Variants in CPEB3 observed in about 807,000 individuals in gnomAD.
The protein encoded by CPEB3 is cytoplasmic polyadenylation element-binding protein 3.
CPEB3 carries 20 observed loss-of-function variants against 67.2 expected under a neutral mutation model. The observed-to-expected ratio is 0.30, with a 90% CI of 0.21 to 0.43. The LOEUF (loss-of-function observed/expected upper bound fraction) is 0.43. Among genes scored for constraint, CPEB3 ranks in the 20% least tolerant of loss-of-function variants. The probability of loss-of-function intolerance (pLI) is 1.00; values close to 1 mark genes in which losing one functional copy is unlikely to be tolerated. For synonymous variants in CPEB3, 376 were observed against 393.1 expected (o/e 0.96, Z 0.51); for missense variants, 746 against 968.6 (o/e 0.77, Z 3.05).
chr10:92,240,323 T>A lies in CPEB3; in HGVS notation c.28A>T (p.Ser10Cys). Residue 10 changes from serine (S) to cysteine (C), a missense_variant, in exon 2 of 10, where the codon AGC (serine) becomes TGC (cysteine). Ser to Cys is a moderately radical substitution (Grantham distance 112). This residue lies in a region of CPEB3 where 643 missense variants were observed against 717.5 expected (regional missense o/e 0.90). Transcript: ENST00000265997. ...TGCTGGGGCTGGGGCTGGGTTTTGC[T>A]TTTGTCCATCAGTAAATCATCCTGC... MQDDLLMDKSKTQPQPQQQQ... is the reference protein window; with the variant it reads MQDDLLMDKCKTQPQPQQQQ... The A allele has an allele frequency of 6.7e-7, 1 of 1,491,022 alleles. No individual in the cohort carries two copies. Among genetic ancestry groups the A allele is most frequent in the Non-Finnish European group, 8.9e-7 (1 of 1,121,122 alleles). The allele number at this position is 1,491,022 out of a possible 1,614,324, so 92.4% of individuals were successfully genotyped here.
chr10:92,100,188 T>C (rs1844106260), intron 7 of CPEB3, among the ~76,000 whole-genome samples: 2 of 152,110 alleles, frequency 1.3e-5, no homozygotes, highest in South Asian at 4.1e-4. Flanking sequence ...GAAAACACAA[T>C]TTTTTGTTTT....
intron 2 of CPEB3, among the ~76,000 whole-genome samples, chr10:92,193,076 G>A (rs1426002950): frequency 6.6e-6 from 1 of 152,122 alleles, no homozygotes; most frequent in Non-Finnish European, 1.5e-5. Flanking sequence ...GCCAGGTATG[G>A]TGGTGTGCAC....
chr10:92,164,219 T>C (rs755307783), intron 4 of CPEB3, among the ~76,000 whole-genome samples: 1 of 152,196 alleles, frequency 6.6e-6, no homozygotes, highest in South Asian at 2.1e-4. Context: ...CCAGAGAAGA[T>C]GACTGGCCCA....
intron 3 of CPEB3, among the ~76,000 whole-genome samples, chr10:92,189,758 C>T (rs1228811180): frequency 1.5e-5 from 2 of 131,216 alleles, no homozygotes; most frequent in Admixed American, 1.8e-4. Context: ...CGCCAGGCTG[C>T]AGTACAGTGG....
intron 4 of CPEB3, among the ~76,000 whole-genome samples, chr10:92,178,161 CTT>C (rs1047680848): frequency 4.5e-4 from 63 of 139,616 alleles, no homozygotes; most frequent in Admixed American, 6.5e-4. Flanking sequence ...TCAATTATTC[CTT>C]TTTTTTTTTT....
At chr10:92,113,209 G>A (rs1009936553) in intron 6 of CPEB3, among the ~76,000 whole-genome samples, 5 of 152,206 alleles carry the variant, frequency 3.3e-5, no homozygotes, top group Admixed American at 6.5e-5. Context: ...GCATAGGTCA[G>A]AAGATTCTGT....
intron 9 of CPEB3, among the ~76,000 whole-genome samples, chr10:92,063,801 A>C (rs1842450079): frequency 6.6e-6 from 1 of 152,066 alleles, no homozygotes. Context: ...AGTTATCCTA[A>C]GGCACGTAAA....
At chr10:92,076,835 GA>G (rs1422334709) in intron 9 of CPEB3, among the ~76,000 whole-genome samples, 3 of 72,710 alleles carry the variant, frequency 4.1e-5, no homozygotes, top group South Asian at 9.9e-4. Context: ...GGAGGAGGAG[GA>G]AAGAAAGAGA....
chr10:92,242,877 T>C (rs1851907707), intron 1 of CPEB3, among the ~76,000 whole-genome samples: 1 of 152,194 alleles, frequency 6.6e-6, no homozygotes, highest in African/African-American at 2.4e-5. Flanking sequence ...TCTGTCAAGG[T>C]CAAGACCCAC....
At chr10:92,220,510 C>T (rs1015728670) in intron 2 of CPEB3, among the ~76,000 whole-genome samples, 6 of 118,796 alleles carry the variant, frequency 5.1e-5, no homozygotes, top group African/African-American at 1.3e-4. Context: ...ACCCAGATAA[C>T]TTTTTTCCTT....
chr10:92,201,951 C>T (rs919392685), intron 2 of CPEB3, among the ~76,000 whole-genome samples: 12 of 152,242 alleles, frequency 7.9e-5, no homozygotes, highest in African/African-American at 2.2e-4. Flanking sequence ...TTCCCATTAT[C>T]GAGCAGAGGG....
At chr10:92,169,847 A>G (rs977768023) in intron 4 of CPEB3, among the ~76,000 whole-genome samples, 1 of 152,170 alleles carries the variant, frequency 6.6e-6, no homozygotes, top group Admixed American at 6.6e-5. Context: ...CATTTTCCAT[A>G]TTCCATATCA....
chr10:92,285,163 T>C (rs1842468225), intron 1 of CPEB3, among the ~76,000 whole-genome samples: 1 of 152,248 alleles, frequency 6.6e-6, no homozygotes, highest in Non-Finnish European at 1.5e-5. Flanking sequence ...CTCATTCCCT[T>C]GATAACTATA....
In CPEB3 at chr10:92,250,288, G is replaced by A. The variant is rs563917200; in HGVS notation, c.-11-9927C>T. Among the ~76,000 whole-genome samples the A allele has an allele frequency of 7.8e-4, 118 of 151,586 alleles. 1 individual carries two copies. In the East Asian group the frequency reaches 0.021, roughly 27 times the overall value. On this transcript the variant is annotated intron_variant, in intron 1 of 9. Coordinates refer to ENST00000265997, the MANE Select transcript of CPEB3 (RefSeq NM_014912.5). Reference sequence around the variant, plus strand: ...TTTTTAGTAGTGACGGGGTTTCACCGTGTTAGCCAGGATGGTCTCCATCTC... The same window carrying A: ...TTTTTAGTAGTGACGGGGTTTCACCATGTTAGCCAGGATGGTCTCCATCTC...
At chr10:92,262,811 G>A (rs1217770339) in intron 1 of CPEB3, among the ~76,000 whole-genome samples, 1 of 152,184 alleles carries the variant, frequency 6.6e-6, no homozygotes, top group African/African-American at 2.4e-5. Flanking sequence ...TCATAAAAGT[G>A]TGCATTAAAG....
chr10:92,104,387 T>C (rs1844337264), intron 7 of CPEB3, among the ~76,000 whole-genome samples: 1 of 150,502 alleles, frequency 6.6e-6, no homozygotes, highest in South Asian at 2.1e-4. Flanking sequence ...AACTTTTTTT[T>C]TTTTTTTTTT....
chr10:92,069,774 C>T (rs1313492703), intron 9 of CPEB3, among the ~76,000 whole-genome samples: 1 of 152,172 alleles, frequency 6.6e-6, no homozygotes, highest in Non-Finnish European at 1.5e-5. Flanking sequence ...TGGTTCCCAA[C>T]ATGAAGCTAA....
intron 4 of CPEB3, among the ~76,000 whole-genome samples, chr10:92,150,394 T>C (rs922704231): frequency 6.6e-6 from 1 of 152,106 alleles, no homozygotes; most frequent in Non-Finnish European, 1.5e-5. Context: ...TTCTGGCCCC[T>C]CTGCTCTTAT....
intron 2 of CPEB3, among the ~76,000 whole-genome samples, chr10:92,211,167 CATAAA>C (rs1185547797): frequency 1.3e-5 from 2 of 152,108 alleles, no homozygotes; most frequent in African/African-American, 4.8e-5. Flanking sequence ...GAAAGCACCA[CATAAA>C]ATAAAAACTG....
Sources: allele counts gnomAD v4.1 joint callset (sites outside exome capture counted in the v4.1 genomes callset), GRCh38; gene constraint gnomAD v4.1.1; regional missense constraint gnomAD v4.1.1; transcripts MANE v1.5; gene names NCBI Gene and HGNC (gene_info 2026-07-23, HGNC 2026-07-21).